Variants in PDE1C observed in about 807,000 individuals in gnomAD.
PDE1C encodes the protein phosphodiesterase 1C, also known as dual specificity calcium/calmodulin-dependent 3',5'-cyclic nucleotide phosphodiesterase 1C.
A neutral mutation model predicts 93.1 loss-of-function variants in PDE1C; 62 were observed. The observed-to-expected ratio is 0.67, with a 90% CI of 0.54 to 0.82. PDE1C has a LOEUF of 0.82. Among genes scored for constraint, PDE1C ranks in the 40% least tolerant of loss-of-function variants. PDE1C has a pLI of 0.00. For synonymous variants in PDE1C, 325 were observed against 310.1 expected (o/e 1.05, Z -0.50); for missense variants, 742 against 884.6 (o/e 0.84, Z 2.04).
At chr7:32,039,935 C>A (rs575471319) in intron 2 of PDE1C, among the ~76,000 whole-genome samples, 2 of 152,172 alleles carry the variant, frequency 1.3e-5, no homozygotes, top group Non-Finnish European at 2.9e-5. Flanking sequence ...CTTATGATTT[C>A]TAATTTGTTT....
rs541807668 is a variant in PDE1C, at chr7:32,009,282, C to G, written c.128+42272G>C. Among the ~76,000 whole-genome samples the G allele has an allele frequency of 2.6e-5, 4 of 152,226 alleles. No individual in the cohort carries two copies. The South Asian group carries it at 8.3e-4, about 32-fold the overall frequency. The stretch of plus-strand genomic sequence containing the variant: ...AGTAACCCAGGTGGAGCCCAGTGAA[C>G]TCTCTGAGTCAGGAGATGGAGTTGG... On this transcript the variant is annotated intron_variant, in intron 2 of 17. Transcript: ENST00000396191.
At chr7:31,786,603 G>A (rs1315853502) in intron 16 of PDE1C, 1 of 152,148 alleles carries the variant, frequency 6.6e-6, no homozygotes, top group Admixed American at 6.6e-5. Context: ...TCCAAACACT[G>A]TGGTGGGCCA....
rs553324322 is a variant in PDE1C, at chr7:32,128,906, A to T, written c.308+40879T>A. 3.5e-3 allele frequency among the ~76,000 whole-genome samples: 198 copies of T among 55,958 alleles called. 2 individuals are homozygous for T. The highest frequency in any genetic ancestry group is 0.012 in the African/African-American group (186 of 14,910). 36.7% of individuals were successfully genotyped at this position (55,958 alleles called of 152,430 possible). On this transcript the variant is annotated intron_variant, in intron 3 of 18. Transcript: ENST00000396193. ...GTACCCTAGAACTTAAAGTATAACA[A>T]ATATATATATATATATATATATATA...
At chr7:31,726,400 T>C in the PDE1C span, among the ~76,000 whole-genome samples, 6 of 152,174 alleles carry the variant, frequency 3.9e-5, no homozygotes, top group African/African-American at 1.4e-4. Flanking sequence ...TTTAATTTTG[T>C]ATTATGGCTT....
At chr7:32,408,457 T>C (rs1047499248) in intron 1 of PDE1C, among the ~76,000 whole-genome samples, 1 of 152,160 alleles carries the variant, frequency 6.6e-6, no homozygotes, top group Non-Finnish European at 1.5e-5. Flanking sequence ...GTGGTGGAGC[T>C]TATCTGCATC....
exon 3 of PDE1C, chr7:32,169,924 G>A: frequency 6.2e-7 from 1 of 1,612,622 alleles, no homozygotes; most frequent in Non-Finnish European, 8.5e-7. Flanking sequence ...CCATCGATGA[G>A]GGAGTTCCAC....
intron 1 of PDE1C, among the ~76,000 whole-genome samples, chr7:32,405,181 T>C (rs1412871933): frequency 1.3e-5 from 2 of 152,138 alleles, no homozygotes; most frequent in Non-Finnish European, 2.9e-5. Flanking sequence ...AGGGATGAAG[T>C]CTTCAAAGAG....
intron 3 of PDE1C, among the ~76,000 whole-genome samples, chr7:31,880,410 T>C (rs934148628): frequency 2.6e-5 from 4 of 152,190 alleles, no homozygotes; most frequent in Non-Finnish European, 5.9e-5. Flanking sequence ...ATTTTTAGAC[T>C]AACACTAAAA....
At chr7:32,241,179 A>G (rs1056326532) in intron 1 of PDE1C, among the ~76,000 whole-genome samples, 10 of 152,224 alleles carry the variant, frequency 6.6e-5, no homozygotes, top group African/African-American at 2.2e-4. Flanking sequence ...CCTGGAGTTC[A>G]GGGGAAAAGT....
intron 2 of PDE1C, among the ~76,000 whole-genome samples, chr7:32,170,704 A>G: frequency 6.6e-6 from 1 of 152,102 alleles, no homozygotes; most frequent in Admixed American, 6.5e-5. Context: ...CTAGTTCTGG[A>G]CAACCCAATA....
intron 2 of PDE1C, among the ~76,000 whole-genome samples, chr7:31,900,904 A>G (rs546262243): frequency 3.0e-4 from 45 of 152,024 alleles, no homozygotes; most frequent in African/African-American, 1.1e-3. Context: ...AAATAAGTTC[A>G]CAAAAGTCTA....
intron 2 of PDE1C, among the ~76,000 whole-genome samples, chr7:31,964,298 CAGG>C (rs773879024): frequency 6.6e-5 from 10 of 152,222 alleles, no homozygotes; most frequent in Non-Finnish European, 1.2e-4. Flanking sequence ...AACGGCACAC[CAGG>C]AGATTATACC....
intron 16 of PDE1C, among the ~76,000 whole-genome samples, chr7:31,794,034 A>C (rs1323562683): frequency 8.3e-6 from 1 of 120,710 alleles, no homozygotes; most frequent in African/African-American, 3.3e-5. Context: ...ATAGATAGAT[A>C]GATAGATAGA....
At chr7:31,998,235 G>C (rs1320412963) in intron 2 of PDE1C, among the ~76,000 whole-genome samples, 4 of 152,014 alleles carry the variant, frequency 2.6e-5, no homozygotes, top group East Asian at 3.9e-4. Flanking sequence ...TAGCCAGGAT[G>C]GTCTCGATCT....
At chr7:31,692,524 G>A in the PDE1C span, 2 of 1,590,716 alleles carry the variant, frequency 1.3e-6, no homozygotes, top group Non-Finnish European at 1.7e-6. Flanking sequence ...AGCCACTTAG[G>A]TAAACAAATG....
chr7:31,800,373 T>C (rs1303784793), intron 16 of PDE1C, among the ~76,000 whole-genome samples: 1 of 151,628 alleles, frequency 6.6e-6, no homozygotes, highest in Non-Finnish European at 1.5e-5. Context: ...CTGATAGTTT[T>C]ACATTTTACA....
intron 2 of PDE1C, among the ~76,000 whole-genome samples, chr7:31,966,684 T>C (rs187342966): frequency 5.3e-5 from 8 of 152,212 alleles, no homozygotes; most frequent in Admixed American, 3.9e-4. Flanking sequence ...ACACACCTAT[T>C]CCAAAATTGA....
At chr7:32,334,584 C>A (rs574805564) in intron 1 of PDE1C, among the ~76,000 whole-genome samples, 3 of 134,196 alleles carry the variant, frequency 2.2e-5, no homozygotes, top group African/African-American at 8.3e-5. Context: ...CCTTTGCCCG[C>A]CCTCCCACCC....
At chr7:32,116,615 C>A (rs1798998248) in intron 3 of PDE1C, among the ~76,000 whole-genome samples, 1 of 152,118 alleles carries the variant, frequency 6.6e-6, no homozygotes. Flanking sequence ...CCTGATTCAC[C>A]ACCTGGGGAG....
Sources: allele counts gnomAD v4.1 joint callset (sites outside exome capture counted in the v4.1 genomes callset), GRCh38; gene constraint gnomAD v4.1.1; transcripts MANE v1.5; gene names NCBI Gene and HGNC (gene_info 2026-07-23, HGNC 2026-07-21).